The following RIMS2 variants were observed in gnomAD, a reference collection of about 807,000 sequenced individuals.
RIMS2 encodes regulating synaptic membrane exocytosis protein 2.
Under a neutral mutation model 174.4 loss-of-function variants are expected in RIMS2, and 59 were observed. The ratio of observed to expected loss-of-function variants is 0.34; its 90% CI spans 0.27 to 0.42. The LOEUF is 0.42. Ranked by LOEUF, RIMS2 falls within the 10% of genes least tolerant of loss-of-function variation. RIMS2 has a pLI of 1.00. For synonymous variants in RIMS2, 606 were observed against 572.5 expected, an observed-to-expected ratio of 1.06 and a Z score of -0.84; for missense variants, 1,620 against 1,666.3, an observed-to-expected ratio of 0.97 and a Z score of 0.48.
At chr8:103,682,453 C>A (rs1181305320) in intron 1 of RIMS2, among the ~76,000 whole-genome samples, 2 of 152,082 alleles carry the variant, frequency 1.3e-5, no homozygotes, top group East Asian at 3.9e-4. Flanking sequence ...AATATGATGA[C>A]TGAAACGTTT....
At chr8:103,839,483 C>A (rs2098926764) in intron 3 of RIMS2, among the ~76,000 whole-genome samples, 1 of 151,956 alleles carries the variant, frequency 6.6e-6, no homozygotes. Flanking sequence ...GCCCTTACTT[C>A]TAGGATATGG....
chr8:103,688,205 C>T lies in RIMS2; in HGVS notation c.177-8881C>T, dbSNP rs184531308. 1.8e-3 allele frequency among the ~76,000 whole-genome samples: 270 copies of T among 152,050 alleles called. 1 individual carries two copies. Among genetic ancestry groups the T allele is most frequent in the African/African-American group, 3.3e-3 (139 of 41,502 alleles). On this transcript the variant is annotated intron_variant, in intron 1 of 23. Transcript: ENST00000504942. ...TAGAGGAAAGTTTCCAACTTTTCAC[C>T]GTTGAGTATGATGTTAGCTGTGGGT...
chr8:104,085,803 G>T (rs1281269221), intron 19 of RIMS2, among the ~76,000 whole-genome samples: 1 of 152,072 alleles, frequency 6.6e-6, no homozygotes, highest in Non-Finnish European at 1.5e-5. Context: ...ACAGTGCAGG[G>T]AACATAAGAG....
At chr8:103,772,370 A>T (rs2098263507) in intron 3 of RIMS2, among the ~76,000 whole-genome samples, 1 of 152,052 alleles carries the variant, frequency 6.6e-6, no homozygotes, top group East Asian at 1.9e-4. Context: ...TATAAATGGA[A>T]ATTTAAAAAA....
intron 19 of RIMS2, among the ~76,000 whole-genome samples, chr8:104,025,708 T>TACACAC (rs34638633): frequency 0.2 from 30,428 of 149,184 alleles, 3,139 homozygotes; most frequent in South Asian, 0.34. Context: ...GTTAAACGTA[T>TACACAC]ACACACACAC....
chr8:103,719,336 A>G (rs1225584310), intron 2 of RIMS2, among the ~76,000 whole-genome samples: 1 of 152,190 alleles, frequency 6.6e-6, no homozygotes, highest in East Asian at 1.9e-4. Context: ...TTTGCTTCTT[A>G]TACCCAAAAA....
intron 19 of RIMS2, among the ~76,000 whole-genome samples, chr8:104,234,145 G>C (rs896181411): frequency 6.6e-6 from 1 of 152,026 alleles, no homozygotes; most frequent in African/African-American, 2.4e-5. Flanking sequence ...ATACTCTATG[G>C]CATAGGGTAA....
chr8:103,809,502 CT>C (rs996597969), intron 3 of RIMS2, among the ~76,000 whole-genome samples: 2 of 151,968 alleles, frequency 1.3e-5, no homozygotes, highest in Non-Finnish European at 2.9e-5. Context: ...CCCTCCACTC[CT>C]TTTTCTTTCT....
chr8:103,646,955 A>G (rs1223188500), intron 1 of RIMS2, among the ~76,000 whole-genome samples: 2 of 152,130 alleles, frequency 1.3e-5, no homozygotes, highest in African/African-American at 2.4e-5. Context: ...ATTCAGTATG[A>G]TACTGGCTAT....
At chr8:103,964,452 G>A (rs1016971749) in intron 15 of RIMS2, among the ~76,000 whole-genome samples, 3 of 152,008 alleles carry the variant, frequency 2.0e-5, no homozygotes, top group African/African-American at 7.2e-5. Flanking sequence ...TTTGCCATCT[G>A]TTTAATTTCT....
exon 2 of RIMS2, chr8:103,697,113 T>C (rs2097113254): frequency 6.2e-7 from 1 of 1,613,270 alleles, no homozygotes; most frequent in African/African-American, 1.3e-5. Flanking sequence ...TTGAAATGTA[T>C]AAAGAGCAGG....
Position 104,026,058 on chromosome 8 carries a change from G to A in RIMS2, c.3334+11443G>A, listed in dbSNP as rs996251727. ...GCATTTCTCAGAACATATCCCTGTC[G>A]TTGAGCAATGTATGACTGTATATAG... On this transcript the variant is annotated intron_variant, in intron 19 of 23. Coordinates refer to ENST00000504942, the Ensembl canonical transcript of RIMS2. Among the ~76,000 whole-genome samples, 6 of 152,060 alleles carry A rather than the reference G, an allele frequency of 3.9e-5. No individual in the cohort carries two copies. The South Asian group carries it at 6.2e-4, about 16-fold the overall frequency.
chr8:104,138,865 C>T (rs1222926327), intron 19 of RIMS2, among the ~76,000 whole-genome samples: 1 of 151,914 alleles, frequency 6.6e-6, no homozygotes, highest in Non-Finnish European at 1.5e-5. Context: ...GGAGAGTTTC[C>T]CCAATGTTTT....
chr8:103,783,516 T>C (rs1254631553), intron 3 of RIMS2, among the ~76,000 whole-genome samples: 4 of 151,230 alleles, frequency 2.6e-5, no homozygotes, highest in East Asian at 3.9e-4. Context: ...TGAGAATATG[T>C]GGTGTTTGGT....
intron 3 of RIMS2, among the ~76,000 whole-genome samples, chr8:103,802,830 G>A (rs1313172954): frequency 1.3e-5 from 2 of 152,108 alleles, no homozygotes; most frequent in Admixed American, 6.5e-5. Context: ...TCTTTTCAAA[G>A]GTCATACAAG....
At chr8:104,209,011 G>A (rs2099093622) in intron 19 of RIMS2, among the ~76,000 whole-genome samples, 2 of 152,118 alleles carry the variant, frequency 1.3e-5, no homozygotes, top group South Asian at 4.1e-4. Flanking sequence ...AGGCAAAATG[G>A]GGTAATTAGA....
intron 1 of RIMS2, among the ~76,000 whole-genome samples, chr8:103,578,466 G>A (rs752798640): frequency 1.3e-5 from 2 of 152,070 alleles, no homozygotes; most frequent in Non-Finnish European, 2.9e-5. Context: ...GGGAGTTGAA[G>A]GTTGCAGTGA....
intron 1 of RIMS2, among the ~76,000 whole-genome samples, chr8:103,687,808 G>C (rs557686679): frequency 1.3e-5 from 2 of 152,138 alleles, no homozygotes; most frequent in South Asian, 4.2e-4. Flanking sequence ...AATGTCCTCT[G>C]AGTTCATCTG....
In RIMS2 at chr8:103,652,763, C is replaced by A; in HGVS notation, c.177-44323C>A. The A allele has an allele frequency of 2.8e-6, 3 of 1,079,202 alleles. 1 individual carries two copies. Among genetic ancestry groups the A allele is most frequent in the South Asian group, 2.6e-5 (2 of 78,066 alleles). The allele number at this position is 1,079,202 out of a possible 1,614,324, so 66.9% of individuals were successfully genotyped here. A position where few individuals can be genotyped will look rare whatever the true frequency, so the allele number is the denominator to read the frequency against. Reference sequence around the variant, plus strand: ...ATATTATCTCTGATAGTATAACATACTGAAAAGTATGTGTTAAAATACTGT... The same window carrying A: ...ATATTATCTCTGATAGTATAACATAATGAAAAGTATGTGTTAAAATACTGT... On this transcript the variant is annotated intron_variant, in intron 1 of 23. Coordinates refer to ENST00000504942, the Ensembl canonical transcript of RIMS2.
Sources: gnomAD v4.1 joint callset for allele counts (sites outside exome capture counted in the v4.1 genomes callset) on GRCh38, gnomAD v4.1.1 for gene constraint, MANE v1.5 for transcripts, NCBI Gene and HGNC (gene_info 2026-07-23, HGNC 2026-07-21) for gene names.